The following TBXAS1 variants were observed in gnomAD, a reference collection of about 807,000 sequenced individuals.
TBXAS1 encodes thromboxane A synthase 1.
A neutral mutation model predicts 60.7 loss-of-function variants in TBXAS1; 48 were observed. The observed-to-expected ratio is 0.79, with a 90% confidence interval of 0.63 to 1.01. The LOEUF (loss-of-function observed/expected upper bound fraction) is 1.01. TBXAS1 is among the 50% of genes least tolerant of loss of function. The pLI, the probability that TBXAS1 is intolerant of heterozygous loss-of-function variation, is 0.00. For missense variants in TBXAS1, 685 were observed against 686.3 expected (o/e 1.00, Z 0.02); for synonymous variants, 287 against 269.7 (o/e 1.06, Z -0.63).
chr7:139,788,470 G>T (rs140789025), intron 4 of TBXAS1, among the ~76,000 whole-genome samples: 23 of 152,266 alleles, frequency 1.5e-4, no homozygotes. Context: ...ACTTACTTGT[G>T]GCTCAATAAA....
In TBXAS1 at chr7:139,806,021, G is replaced by A. The variant is rs371089920; in HGVS notation, c.-80+18595G>A. 3.5e-4 allele frequency among the ~76,000 whole-genome samples: 46 copies of A among 129,742 alleles called. 3 individuals carry two copies. The highest frequency in any genetic ancestry group is 2.5e-3 in the Admixed American group (27 of 10,832). The allele number at this position is 129,742 out of a possible 152,430, so 85.1% of individuals were successfully genotyped here. On this transcript the variant is annotated intron_variant, in intron 4 of 16. Coordinates refer to the TBXAS1 transcript ENST00000336425. ...GCTCTCTTGGCTCACTGCAAGCTCC[G>A]CCTCCTGGGTTCACACCATTCTCCT...
chr7:139,883,774 C>A (rs1399917969), intron 3 of TBXAS1, among the ~76,000 whole-genome samples: 1 of 152,136 alleles, frequency 6.6e-6, no homozygotes, highest in Non-Finnish European at 1.5e-5. Flanking sequence ...AATATATTAA[C>A]CACATTGTTA....
At chr7:139,898,867 A>G (rs934369492) in intron 3 of TBXAS1, among the ~76,000 whole-genome samples, 3 of 152,268 alleles carry the variant, frequency 2.0e-5, no homozygotes, top group Admixed American at 2.0e-4. Context: ...TGATTTGCTC[A>G]AGGTGATACA....
At chr7:139,798,087 T>C (rs959676845) in intron 4 of TBXAS1, among the ~76,000 whole-genome samples, 1 of 152,136 alleles carries the variant, frequency 6.6e-6, no homozygotes, top group African/African-American at 2.4e-5. Flanking sequence ...TTTTTATTTT[T>C]TTTAACAGAC....
rs1804132216 is a variant in TBXAS1, at chr7:139,896,791, T to C, written c.237-14434T>C. ...AAACACAGGTATAAGAGGAATGGGG[T>C]GAGGAGAGAAGTCAGGAGCTCCTGA... is the stretch of plus-strand genomic sequence containing the variant. On this transcript the variant is annotated intron_variant, in intron 3 of 12. Coordinates refer to ENST00000448866, the MANE Select transcript of TBXAS1 (RefSeq NM_001061.7). The surrounding 1 kb of genome is among the most constrained non-coding windows in gnomAD (Gnocchi z 4.0). Among the ~76,000 whole-genome samples the C allele has an allele frequency of 6.6e-6, 1 of 151,628 alleles. No homozygotes were observed. The highest frequency in any genetic ancestry group is 6.6e-5 in the Admixed American group (1 of 15,222).
chr7:139,886,386 A>ATTTTTTTTTTTTTTT (rs8192818), intron 3 of TBXAS1, among the ~76,000 whole-genome samples: 3 of 99,636 alleles, frequency 3.0e-5, no homozygotes, highest in African/African-American at 4.1e-5. Flanking sequence ...TTGCAGATGA[A>ATTTTTTTTTTTTTTT]TTTTTTTTTT....
At chr7:139,874,686 AC>A (rs745849463) in intron 2 of TBXAS1, among the ~76,000 whole-genome samples, 5 of 150,992 alleles carry the variant, frequency 3.3e-5, no homozygotes, top group Non-Finnish European at 5.9e-5. Flanking sequence ...ACCATTTGCC[AC>A]CCCCCACACC....
intron 9 of TBXAS1, 103 bp downstream of exon 9, chr7:139,962,336 T>G: frequency 1.5e-6 from 2 of 1,376,190 alleles, no homozygotes; most frequent in South Asian, 2.5e-5. Context: ...TAATATCACA[T>G]TCTAAGCTTA....
rs1298554651 is a variant in TBXAS1, at chr7:139,951,781, A to C, written c.451-1587A>C. Among the ~76,000 whole-genome samples the C allele has an allele frequency of 1.1e-3, 102 of 93,980 alleles. 10 individuals are homozygous for C. Among genetic ancestry groups the C allele is most frequent in the Non-Finnish European group, 1.9e-3 (88 of 46,382 alleles). 61.7% of individuals were successfully genotyped at this position (93,980 alleles called of 152,430 possible). ...AAGCAAGACTCTGTCTAAAAAAAAA[A>C]AAAAAGAAAGAAAGAAAGAAAAAGA... On this transcript the variant is annotated intron_variant, in intron 5 of 12. Coordinates refer to ENST00000448866, the MANE Select transcript of TBXAS1 (RefSeq NM_001061.7).
chr7:139,966,145 C>T (rs1230283338), intron 9 of TBXAS1, among the ~76,000 whole-genome samples: 1 of 152,204 alleles, frequency 6.6e-6, no homozygotes, highest in Non-Finnish European at 1.5e-5. Context: ...TGTGACATCC[C>T]TGTAGAGCAT....
intron 10 of TBXAS1, among the ~76,000 whole-genome samples, chr7:140,011,102 C>T (rs572420045): frequency 1.3e-3 from 192 of 151,856 alleles, no homozygotes; most frequent in African/African-American, 4.4e-3. Context: ...CATGATGAAA[C>T]TCTGACTCTA....
chr7:139,922,294 G>A (rs1806544715), intron 4 of TBXAS1, among the ~76,000 whole-genome samples: 1 of 151,956 alleles, frequency 6.6e-6, no homozygotes, highest in Non-Finnish European at 1.5e-5. Flanking sequence ...CAGAGACGGA[G>A]TTTCTGCATG....
chr7:139,778,544 C>T lies in TBXAS1; in HGVS notation c.-318+73C>T, dbSNP rs1796856316. 1 of 152,350 alleles carries T rather than the reference C, an allele frequency of 6.6e-6. No individual in the cohort carries two copies. The highest frequency in any genetic ancestry group is 1.5e-5 in the Non-Finnish European group (1 of 68,136). 9.4% of individuals were successfully genotyped at this position (152,350 alleles called of 1,614,324 possible). A position where few individuals can be genotyped will look rare whatever the true frequency, so the allele number is the denominator to read the frequency against. On this transcript the variant is annotated intron_variant, in intron 1 of 16. Coordinates refer to the TBXAS1 transcript ENST00000336425. The surrounding 1 kb of genome is among the most constrained non-coding windows in gnomAD (Gnocchi z 4.8). Reference sequence around the variant, plus strand: ...GGAGGAGGGCGGGTGAGTGGAGGAGCTTCGGAAAGCCACACGAGGTCAGAG... The same window carrying T: ...GGAGGAGGGCGGGTGAGTGGAGGAGTTTCGGAAAGCCACACGAGGTCAGAG...
At chr7:139,969,485 C>T (rs1811039537) in intron 9 of TBXAS1, among the ~76,000 whole-genome samples, 2 of 143,764 alleles carry the variant, frequency 1.4e-5, no homozygotes, top group South Asian at 2.2e-4. Context: ...AAAAAAAAGC[C>T]GTTTTACCCC....
intron 5 of TBXAS1, among the ~76,000 whole-genome samples, chr7:139,946,831 A>G (rs1342583737): frequency 1.3e-5 from 2 of 152,206 alleles, no homozygotes; most frequent in Non-Finnish European, 2.9e-5. Flanking sequence ...TAGGCAATGT[A>G]CCCAAGATCA....
intron 10 of TBXAS1, among the ~76,000 whole-genome samples, chr7:140,011,921 T>C (rs180716168): frequency 6.4e-4 from 97 of 152,332 alleles, no homozygotes; most frequent in Non-Finnish European, 4.9e-4. Flanking sequence ...GGACCAATTC[T>C]GATGTTCCAA....
At chr7:139,846,975 A>G (rs974070235) in intron 1 of TBXAS1, among the ~76,000 whole-genome samples, 3 of 152,148 alleles carry the variant, frequency 2.0e-5, no homozygotes, top group Non-Finnish European at 4.4e-5. Context: ...TCACTTTTCC[A>G]TACGGTCAAG....
intron 9 of TBXAS1, among the ~76,000 whole-genome samples, chr7:139,986,960 C>G (rs1047342159): frequency 1.3e-5 from 2 of 151,982 alleles, no homozygotes; most frequent in African/African-American, 2.4e-5. Context: ...AAAGCAGAGT[C>G]AGGCCCTGGA....
intron 1 of TBXAS1, among the ~76,000 whole-genome samples, chr7:139,845,137 G>C (rs1050922356): frequency 6.6e-6 from 1 of 152,102 alleles, no homozygotes; most frequent in African/African-American, 2.4e-5. Context: ...TCACTCCTTG[G>C]CTGGAAATAG....
Sources: allele counts gnomAD v4.1 joint callset (sites outside exome capture counted in the v4.1 genomes callset), GRCh38; gene constraint gnomAD v4.1.1; non-coding constraint Gnocchi (gnomAD v3.1); transcripts MANE v1.5; gene names NCBI Gene and HGNC (gene_info 2026-07-23, HGNC 2026-07-21).